PLA2G4F: variants seen among roughly 807,000 people sequenced by gnomAD.
The protein encoded by PLA2G4F is cytosolic phospholipase A2 zeta.
PLA2G4F carries 105 observed loss-of-function variants against 103.1 expected under a neutral mutation model. The observed-to-expected ratio is 1.02, with a 90% CI of 0.87 to 1.20. The LOEUF (loss-of-function observed/expected upper bound fraction) is 1.20. Ranked by LOEUF, PLA2G4F falls within the 50% of genes most tolerant of loss-of-function variation. The probability of loss-of-function intolerance (pLI) is 0.00; values close to 1 mark genes in which losing one functional copy is unlikely to be tolerated. For synonymous variants in PLA2G4F, 468 were observed against 441.1 expected, an observed-to-expected ratio of 1.06 and a Z score of -0.76; for missense variants, 1,155 against 1,075.9, an observed-to-expected ratio of 1.07 and a Z score of -1.03.
intron 18 of PLA2G4F, among the ~76,000 whole-genome samples, chr15:42,143,467 G>A (rs1005376903): frequency 1.3e-5 from 2 of 152,134 alleles, no homozygotes; most frequent in African/African-American, 4.8e-5. Flanking sequence ...GGACAAAGAG[G>A]AGACCAAAGG....
In PLA2G4F at chr15:42,142,094, G is replaced by A. The variant is rs762365002; in HGVS notation, c.2440C>T (p.Arg814Trp). The A allele has an allele frequency of 8.7e-6, 14 of 1,614,108 alleles. No individual in the cohort carries two copies. Among genetic ancestry groups the A allele is most frequent in the Admixed American group, 1.7e-5 (1 of 60,006 alleles). ...TTGTATCGACTGAGGGCCACCAGCC[G>A]ATAAAAGTCCTGGGGCTCATAGGTG... ...NFTYEPQDFYRLVALSRYNVL... is the reference protein window; with the variant it reads ...NFTYEPQDFYWLVALSRYNVL... Residue 814 changes from arginine (R) to tryptophan (W), a missense_variant, in exon 20 of 20, where the codon CGG becomes TGG. By Grantham distance (101) the Arg-to-Trp change is moderately radical. Coordinates refer to ENST00000397272, the MANE Select transcript of PLA2G4F (RefSeq NM_213600.4).
At chr15:42,154,024 T>C in intron 4 of PLA2G4F, 68 bp downstream of exon 4, 1 of 1,604,298 alleles carries the variant, frequency 6.2e-7, no homozygotes, top group Non-Finnish European at 8.5e-7. Context: ...CAGAGCCCCC[T>C]CTTTGGTGGC....
Position 42,144,497 on chromosome 15 carries a change from C to A in PLA2G4F, c.1928G>T (p.Cys643Phe), listed in dbSNP as rs770196874. 6.2e-7 allele frequency: 1 copy of A among 1,612,348 alleles called. No homozygotes were observed. Among genetic ancestry groups the A allele is most frequent in the Admixed American group, 1.7e-5 (1 of 60,006 alleles). Residue 643 changes from cysteine to phenylalanine, a missense_variant, in exon 17 of 20, where the codon TGC (cysteine) becomes TTC (phenylalanine). Cys to Phe is a radical substitution (Grantham distance 205). This residue lies in a region of PLA2G4F where 782 missense variants were observed against 692.9 expected (regional missense o/e 1.13). Coordinates refer to ENST00000397272, the MANE Select transcript of PLA2G4F (RefSeq NM_213600.4). ...GCCAGCCACATAGTCCTTGTGCAAG[C>A]AGAGACCCCGGGTGAAGTTAAAGCT... ...AQSFNFTRGL[C>F]LHKDYVAGRE...
chr15:42,149,926 G>T lies in PLA2G4F; in HGVS notation c.924-78C>A, dbSNP rs2048937370. 2.6e-6 allele frequency: 4 copies of T among 1,564,438 alleles called. No homozygotes were observed. The African/African-American group carries it at 5.4e-5, about 21-fold the overall frequency. On this transcript the variant is annotated intron_variant, in intron 10 of 19. Transcript: ENST00000397272. The stretch of plus-strand genomic sequence containing the variant: ...GGAGGAGAGCCTTGGGCCCAGCCCA[G>T]GTCTTTCACAGGAGCAGGTCCAAGG...
chr15:42,140,052 T>C lies in PLA2G4F; in HGVS notation c.*1932A>G, dbSNP rs2048815526. The C allele has an allele frequency of 6.6e-6, 1 of 152,224 alleles. No individual in the cohort carries two copies. The highest frequency in any genetic ancestry group is 1.5e-5 in the Non-Finnish European group (1 of 68,042). 9.4% of individuals were successfully genotyped at this position (152,224 alleles called of 1,614,324 possible). A position where few individuals can be genotyped will look rare whatever the true frequency, so the allele number is the denominator to read the frequency against. On this transcript the variant is annotated 3_prime_UTR_variant, in exon 20 of 20. Coordinates refer to ENST00000397272, the MANE Select transcript of PLA2G4F (RefSeq NM_213600.4). ...TTTCATGTGTGTGTGTATGCCTTTT[T>C]CTTGGGAGAGGGTCTGTGGTTTATA...
Position 42,156,523 on chromosome 15 carries a change from C to G in PLA2G4F, c.27G>C (p.Trp9Cys). The change falls in exon 1 of 20, where the codon TGG (tryptophan) becomes TGC (cysteine). Residue 9 changes from tryptophan (W) to cysteine (C), a missense_variant. This residue lies in a region of PLA2G4F where 370 missense variants were observed against 364.9 expected (regional missense o/e 1.01). Transcript: ENST00000397272. MLWALWPR[W>C]LADKMLPLLG... ...GGAGGGGCAGCATCTTGTCTGCCAG[C>G]CACCTTGGCCAGAGTGCCCAAAGCA... 20 of 1,554,164 alleles carry G rather than the reference C, an allele frequency of 1.3e-5. No individual in the cohort carries two copies. Among genetic ancestry groups the G allele is most frequent in the Non-Finnish European group, 1.7e-5 (20 of 1,148,208 alleles).
At chr15:42,143,154 G>A (rs1331946656) in intron 18 of PLA2G4F, among the ~76,000 whole-genome samples, 1 of 136,098 alleles carries the variant, frequency 7.3e-6, no homozygotes, top group Non-Finnish European at 1.5e-5. Context: ...ACTCCAGCCT[G>A]GTGACAGAGT....
chr15:42,144,355 C>T (rs2048857670), intron 17 of PLA2G4F, 95 bp downstream of exon 17: 1 of 1,523,410 alleles, frequency 6.6e-7, no homozygotes, highest in Non-Finnish European at 9.0e-7. Flanking sequence ...GAGACCACAC[C>T]TCAACCCCCA....
intron 14 of PLA2G4F, 57 bp from the exon 15 acceptor site, chr15:42,145,960 C>T: frequency 1.2e-6 from 2 of 1,602,986 alleles, no homozygotes; most frequent in Non-Finnish European, 1.7e-6. Flanking sequence ...GTGCTTGTGC[C>T]CAAGCAGGAA....
At position 42,153,631 on chromosome 15, in the gene PLA2G4F, A is replaced by G. The variant is rs2048981514; in HGVS notation, c.480T>C (p.Val160=). Residue 160 remains valine (V), a synonymous_variant, in exon 5 of 20, where the codon GTT becomes GTC. Transcript: ENST00000397272. ...QDSQELQVEF[V]LEKSQVPASE... ...CTACCAGAACTCACCTCTTCTCCAG[A>G]ACAAATTCCACCTGCAGCTCTTGTG... The G allele has an allele frequency of 6.2e-7, 1 of 1,614,052 alleles. No homozygotes were observed. The highest frequency in any genetic ancestry group is 1.3e-5 in the African/African-American group (1 of 74,916).
chr15:42,144,734 C>T, intron 16 of PLA2G4F, 90 bp from the exon 17 acceptor site: 4 of 1,301,354 alleles, frequency 3.1e-6, no homozygotes, highest in Admixed American at 3.0e-5. Flanking sequence ...CCCTCCCCAA[C>T]AGTGAGCCCT....
chr15:42,142,454 C>T, intron 19 of PLA2G4F, 74 bp downstream of exon 19: 5 of 1,487,652 alleles, frequency 3.4e-6, no homozygotes, highest in East Asian at 2.3e-5. Flanking sequence ...CTCCAGGGAA[C>T]CCACCCTCAG....
Position 42,154,465 on chromosome 15 carries a change from G to A in PLA2G4F, c.185-7C>T. 3 of 1,562,962 alleles carry A rather than the reference G, an allele frequency of 1.9e-6. No individual in the cohort carries two copies. The highest frequency in any genetic ancestry group is 2.4e-5 in the South Asian group (2 of 83,724). On this transcript the variant is annotated splice_polypyrimidine_tract_variant and splice_region_variant and intron_variant, in intron 2 of 19. Coordinates refer to ENST00000397272, the MANE Select transcript of PLA2G4F (RefSeq NM_213600.4). ...TAGCAGTCGGCTTTGGACACTGCAGGTAGGACAGGGAGGGGCCGGGGCCTC... is the reference window on the plus strand; with the variant it reads ...TAGCAGTCGGCTTTGGACACTGCAGATAGGACAGGGAGGGGCCGGGGCCTC...
At chr15:42,153,951 C>A in intron 4 of PLA2G4F, 141 bp downstream of exon 4, 1 of 1,340,382 alleles carries the variant, frequency 7.5e-7, no homozygotes, top group African/African-American at 1.5e-5. Flanking sequence ...AGAGGGAGAC[C>A]TTTATAGGGT....
intron 7 of PLA2G4F, chr15:42,151,243 C>T (rs1595623184): frequency 1.0e-6 from 1 of 985,282 alleles, no homozygotes; most frequent in East Asian, 1.1e-4. Context: ...AAGTGTAGAA[C>T]GTTGGGAGAG....
At chr15:42,147,386 C>A in intron 12 of PLA2G4F, 40 bp from the exon 13 acceptor site, 1 of 1,566,636 alleles carries the variant, frequency 6.4e-7, no homozygotes, top group South Asian at 1.1e-5. Flanking sequence ...GGCAGGAGAG[C>A]ACAGCCACGG....
chr15:42,150,080 C>G (rs185307359), intron 10 of PLA2G4F, 24 bp downstream of exon 10: 2 of 1,613,990 alleles, frequency 1.2e-6, no homozygotes, highest in South Asian at 1.1e-5. Context: ...CCCCAAGAGG[C>G]CTTCTGCCTG....
chr15:42,143,776 G>C (rs1009240418), intron 18 of PLA2G4F, among the ~76,000 whole-genome samples: 2 of 152,162 alleles, frequency 1.3e-5, no homozygotes, highest in African/African-American at 4.8e-5. Context: ...CAACTCTCCT[G>C]CAACTGGGAG....
chr15:42,153,261 C>T, intron 6 of PLA2G4F, 39 bp downstream of exon 6: 1 of 1,599,644 alleles, frequency 6.3e-7, no homozygotes, highest in Non-Finnish European at 8.5e-7. Context: ...TCACTGCCCC[C>T]CAGCCCAGAA....
Sources: gnomAD v4.1 joint callset for allele counts (sites outside exome capture counted in the v4.1 genomes callset) on GRCh38, gnomAD v4.1.1 for gene constraint, gnomAD v4.1.1 regional missense constraint, MANE v1.5 for transcripts, NCBI Gene and HGNC (gene_info 2026-07-23, HGNC 2026-07-21) for gene names.